Variants in BUB1 observed in about 807,000 individuals in gnomAD.
The protein encoded by BUB1 is BUB1 mitotic checkpoint serine/threonine kinase.
In BUB1, 84 loss-of-function variants were observed where a neutral mutation model predicts 135.2. The ratio of observed to expected loss-of-function variants is 0.62; its 90% CI spans 0.52 to 0.74. The LOEUF (loss-of-function observed/expected upper bound fraction) is 0.74. Ranked by LOEUF, BUB1 falls within the 30% of genes least tolerant of loss-of-function variation. The pLI, the probability that BUB1 is intolerant of heterozygous loss-of-function variation, is 0.00. For missense variants in BUB1, 1,162 were observed against 1,288.3 expected (o/e 0.90, Z 1.50); for synonymous variants, 403 against 434.4 (o/e 0.93, Z 0.90).
intron 4 of BUB1, among the ~76,000 whole-genome samples, chr2:110,672,457 G>A (rs1690448242): frequency 6.6e-6 from 1 of 152,162 alleles, no homozygotes; most frequent in Admixed American, 6.5e-5. Context: ...CACAGGTACA[G>A]GAAAAGATAC....
chr2:110,653,450 C>T lies in BUB1; in HGVS notation c.1950G>A (p.Arg650=), dbSNP rs1689835639. The change falls in exon 17 of 25, where the codon AGG becomes AGA. Residue 650 remains arginine (R), a synonymous_variant. Transcript: ENST00000302759. ...CCTCACAATACCTGAATTTTCCATC[C>T]CTTGAAGGCACCACCATGTTTTCCT... ...SCEENMVVPS[R]DGKFSPIQEK... is the part of the protein sequence containing the mutation. The T allele has an allele frequency of 6.2e-7, 1 of 1,613,612 alleles. No homozygotes were observed. The highest frequency in any genetic ancestry group is 1.3e-5 in the African/African-American group (1 of 74,874).
chr2:110,639,394 CAAAA>C (rs111453356), intron 24 of BUB1, among the ~76,000 whole-genome samples: 1 of 118,156 alleles, frequency 8.5e-6, no homozygotes, highest in Non-Finnish European at 1.9e-5. Context: ...TTCCATAGAC[CAAAA>C]AAAAAAAAAA....
rs191292475 is a variant in BUB1, at chr2:110,638,014, G to T, written c.3208C>A (p.Arg1070Ser). 3.8e-6 allele frequency: 6 copies of T among 1,593,844 alleles called. No homozygotes were observed. The highest frequency in any genetic ancestry group is 1.2e-5 in the South Asian group (1 of 86,852). The change falls in exon 25 of 25, where the codon CGT (arginine) becomes AGT (serine). Residue 1070 changes from arginine (R) to serine (S), a missense_variant. Physicochemically the swap from Arg to Ser is moderately radical, Grantham distance 110 (BLOSUM62 -1). Transcript: ENST00000302759. The stretch of plus-strand genomic sequence containing the variant: ...AAGAGCAGTACAATTAGCCTATTAC[G>T]TAGGGCCCTAATCTTGTTAGTATAG... Reference protein sequence around the residue: ...QHYTNKIRALRNRLIVLLLEC... With the variant: ...QHYTNKIRALSNRLIVLLLEC...
intron 1 of BUB1, among the ~76,000 whole-genome samples, chr2:110,677,487 T>C (rs1366151891): frequency 6.6e-6 from 1 of 152,198 alleles, no homozygotes; most frequent in Non-Finnish European, 1.5e-5. Context: ...AGCTATTTTT[T>C]TTCAATTTTT....
At position 110,674,286 on chromosome 2, in the gene BUB1, T is replaced by A; in HGVS notation, c.86+20A>T. ...CAGTGTATAGTTTGTTTAAGGGAAA[T>A]AAAATAACTAAATGCTGACCTTTCC... On this transcript the variant is annotated intron_variant, in intron 2 of 24. Coordinates refer to ENST00000302759, the MANE Select transcript of BUB1 (RefSeq NM_004336.5). 1 of 1,613,764 alleles carries A rather than the reference T, an allele frequency of 6.2e-7. No homozygotes were observed. The highest frequency in any genetic ancestry group is 8.5e-7 in the Non-Finnish European group (1 of 1,179,778).
intron 5 of BUB1, 101 bp from the exon 6 acceptor site, chr2:110,669,654 A>G: frequency 4.2e-6 from 3 of 714,194 alleles, no homozygotes; most frequent in Non-Finnish European, 2.4e-6. Flanking sequence ...TAGGAATCAT[A>G]AGAAGTAAAT....
chr2:110,670,626 T>G, intron 4 of BUB1, 58 bp from the exon 5 acceptor site: 2 of 1,556,680 alleles, frequency 1.3e-6, no homozygotes, highest in East Asian at 4.5e-5. Context: ...ACATAGCTGT[T>G]AGAGTGAAAA....
chr2:110,638,007 C>A lies in BUB1; in HGVS notation c.3215G>T (p.Arg1072Met). Residue 1072 changes from arginine (R) to methionine (M), a missense_variant, in exon 25 of 25, where the codon AGG (arginine) becomes ATG (methionine). By Grantham distance (91) the Arg-to-Met change is moderately conservative. Coordinates refer to ENST00000302759, the MANE Select transcript of BUB1 (RefSeq NM_004336.5). ...ACATTCTAAGAGCAGTACAATTAGC[C>A]TATTACGTAGGGCCCTAATCTTGTT... ...YTNKIRALRN[R>M]LIVLLLECKR... 6.3e-7 allele frequency: 1 copy of A among 1,584,860 alleles called. No individual in the cohort carries two copies. The highest frequency in any genetic ancestry group is 8.6e-7 in the Non-Finnish European group (1 of 1,166,762).
intron 15 of BUB1, among the ~76,000 whole-genome samples, chr2:110,656,742 G>A (rs1399839875): frequency 2.0e-5 from 3 of 152,154 alleles, no homozygotes; most frequent in South Asian, 2.1e-4. Context: ...CACTCAAAAG[G>A]AGATGAATTA....
rs1380372495 is a variant in BUB1 at position 110,667,593 on chromosome 2, C to T, written c.733G>A (p.Gly245Arg). 1.2e-6 allele frequency: 2 copies of T among 1,613,832 alleles called. No individual in the cohort carries two copies. The highest frequency in any genetic ancestry group is 1.7e-6 in the Non-Finnish European group (2 of 1,179,970). ...TCTTCAAAGGAAAATTCTGATTCCC[C>T]ACGAATAAGCTTCTCCTTGCAATAC... ...VMYCKEKLIRGESEFSFEELR... is the reference protein window; with the variant it reads ...VMYCKEKLIRRESEFSFEELR... The change falls in exon 8 of 25, where the codon GGG becomes AGG. Residue 245 changes from glycine to arginine, a missense_variant. By Grantham distance (125) the Gly-to-Arg change is moderately radical. Coordinates refer to ENST00000302759, the MANE Select transcript of BUB1 (RefSeq NM_004336.5).
intron 19 of BUB1, among the ~76,000 whole-genome samples, chr2:110,644,969 T>C (rs1340645020): frequency 6.6e-6 from 1 of 151,788 alleles, no homozygotes; most frequent in Non-Finnish European, 1.5e-5. Flanking sequence ...ATGAAAGAAC[T>C]CAAAATCAGA....
rs1690110470 is a variant in BUB1, at chr2:110,661,855, CA to C, written c.958-15del. The stretch of plus-strand genomic sequence containing the variant: ...TGCTGGATTAACCTTTCATATTAAA[CA>C]AACAAACAACAAAAACAAAACCATG... On this transcript the variant is annotated splice_polypyrimidine_tract_variant and intron_variant, in intron 9 of 24. Coordinates refer to ENST00000302759, the MANE Select transcript of BUB1 (RefSeq NM_004336.5). 2 of 1,609,464 alleles carry C rather than the reference CA, an allele frequency of 1.2e-6. No homozygotes were observed. The highest frequency in any genetic ancestry group is 8.5e-7 in the Non-Finnish European group (1 of 1,177,542).
chr2:110,664,493 A>G (rs1243178732), intron 9 of BUB1, among the ~76,000 whole-genome samples: 1 of 152,016 alleles, frequency 6.6e-6, no homozygotes, highest in African/African-American at 2.4e-5. Context: ...CAAATTATCA[A>G]CCAAATGTGA....
At chr2:110,649,687 G>A (rs1689730479) in intron 18 of BUB1, among the ~76,000 whole-genome samples, 1 of 152,130 alleles carries the variant, frequency 6.6e-6, no homozygotes, top group Non-Finnish European at 1.5e-5. Context: ...AACACAATTA[G>A]GGATACATGT....
intron 13 of BUB1, 59 bp downstream of exon 13, chr2:110,658,351 A>AT (rs149303732): frequency 3.5e-5 from 48 of 1,381,036 alleles, no homozygotes; most frequent in Non-Finnish European, 4.4e-5. Context: ...AATTCTTGAT[A>AT]TTTTCTGTGA....
chr2:110,656,833 A>G (rs2104535689), intron 15 of BUB1, among the ~76,000 whole-genome samples: 1 of 152,362 alleles, frequency 6.6e-6, no homozygotes, highest in East Asian at 1.9e-4. Context: ...TAATTTTGGT[A>G]GGACACTTGG....
At chr2:110,641,511 A>G (rs757088220) in intron 21 of BUB1, 47 bp from the exon 22 acceptor site, 1 of 1,569,936 alleles carries the variant, frequency 6.4e-7, no homozygotes, top group South Asian at 1.2e-5. Context: ...CACAAGATTA[A>G]TAAAATTTCA....
In BUB1 at chr2:110,667,511, T is replaced by C. The variant is rs754088928; in HGVS notation, c.805+10A>G. On this transcript the variant is annotated intron_variant, in intron 8 of 24. Coordinates refer to ENST00000302759, the MANE Select transcript of BUB1 (RefSeq NM_004336.5). ...CATAAGAATAACTAAAAATACAAGA[T>C]TGCAAGTACCCCATTGCTCATGCTT... The C allele has an allele frequency of 7.5e-6, 12 of 1,594,746 alleles. No individual in the cohort carries two copies. Among genetic ancestry groups the C allele is most frequent in the Middle Eastern group, 1.7e-4 (1 of 5,980 alleles).
chr2:110,646,051 A>G (rs1481616176), intron 19 of BUB1, among the ~76,000 whole-genome samples: 2 of 151,452 alleles, frequency 1.3e-5, no homozygotes, highest in African/African-American at 4.9e-5. Context: ...GGACAGATCA[A>G]CTGGGTGTGG....
Sources: allele counts gnomAD v4.1 joint callset (sites outside exome capture counted in the v4.1 genomes callset), GRCh38; gene constraint gnomAD v4.1.1; transcripts MANE v1.5; gene names NCBI Gene and HGNC (gene_info 2026-07-23, HGNC 2026-07-21).